The following ANKRD33B variants were observed in gnomAD, a reference collection of about 807,000 sequenced individuals.
ANKRD33B encodes the protein ankyrin repeat domain-containing protein 33B.
Under a neutral mutation model 21.5 loss-of-function variants are expected in ANKRD33B, and 6 were observed. The ratio of observed to expected loss-of-function variants is 0.28; its 90% CI spans 0.15 to 0.55. The LOEUF (loss-of-function observed/expected upper bound fraction) is 0.55, where lower values mean the gene tolerates loss of function less well. ANKRD33B is among the 20% of genes least tolerant of loss of function. The pLI is 0.94. For synonymous variants in ANKRD33B, 347 were observed against 342.4 expected (o/e 1.01, Z -0.15); for missense variants, 698 against 747.2 (o/e 0.93, Z 0.77).
chr5:10,564,881 C>T (rs1159126613), intron 1 of ANKRD33B, 48 bp downstream of exon 1: 1 of 1,453,952 alleles, frequency 6.9e-7, no homozygotes, highest in Non-Finnish European at 9.1e-7. Context: ...TGCCCCCACT[C>T]CCCTCCTCCC....
chr5:10,596,832 G>C (rs1020827002), intron 1 of ANKRD33B, among the ~76,000 whole-genome samples: 1 of 152,156 alleles, frequency 6.6e-6, no homozygotes, highest in Non-Finnish European at 1.5e-5. Flanking sequence ...AATCCCGTCA[G>C]ACTAACAGTG....
Position 10,649,845 on chromosome 5 carries a change from T to A in ANKRD33B, c.1217T>A (p.Leu406His). 22 of 1,414,068 alleles carry A rather than the reference T, an allele frequency of 1.6e-5. No homozygotes were observed. The highest frequency in any genetic ancestry group is 2.0e-5 in the Non-Finnish European group (22 of 1,089,420). 87.6% of individuals were successfully genotyped at this position (1,414,068 alleles called of 1,614,324 possible). Residue 406 changes from leucine (L) to histidine (H), a missense_variant, in exon 4 of 4, where the codon CTC (leucine) becomes CAC (histidine). This residue lies in a region of ANKRD33B where 543 missense variants were observed against 566.5 expected (regional missense o/e 0.96). Coordinates refer to ENST00000296657, the MANE Select transcript of ANKRD33B (RefSeq NM_001164440.2). ...GCGCCCGCCCCGCGGAAGGCCAGCC[T>A]CCTGCCCCTGCAGCGCCTGCGGCGG... ...PAAPAPRKAS[L>H]LPLQRLRRRS...
intron 1 of ANKRD33B, 45 bp downstream of exon 1, chr5:10,564,878 A>ACTCCCCTC: frequency 6.9e-7 from 1 of 1,454,024 alleles, no homozygotes; most frequent in Non-Finnish European, 9.1e-7. Flanking sequence ...CACTGCCCCC[A>ACTCCCCTC]CTCCCCTCCT....
Position 10,619,478 on chromosome 5 carries a change from G to A in ANKRD33B, c.496+1016G>A, listed in dbSNP as rs1736364825. 2 of 739,638 alleles carry A rather than the reference G, an allele frequency of 2.7e-6. No individual in the cohort carries two copies. Among genetic ancestry groups the A allele is most frequent in the South Asian group, 6.1e-5 (1 of 16,316 alleles). 45.8% of individuals were successfully genotyped at this position (739,638 alleles called of 1,614,324 possible). A position where few individuals can be genotyped will look rare whatever the true frequency, so the allele number is the denominator to read the frequency against. On this transcript the variant is annotated intron_variant, in intron 2 of 3. Transcript: ENST00000296657. This position sits in a 1 kb window ranked among gnomAD's most constrained non-coding sequence, Gnocchi z 4.5. ...AGCTCCTGGACCAAAGCCACCCTGG[G>A]TGGATCTGATGGGTGGGGGGCCAGG...
intron 1 of ANKRD33B, among the ~76,000 whole-genome samples, chr5:10,577,423 G>A (rs768009765): frequency 3.3e-5 from 5 of 152,118 alleles, no homozygotes; most frequent in Admixed American, 1.3e-4. Flanking sequence ...GCGCCCGGCC[G>A]CCTTTCTCTT....
intron 2 of ANKRD33B, among the ~76,000 whole-genome samples, chr5:10,630,174 T>C (rs1736672452): frequency 6.6e-6 from 1 of 152,232 alleles, no homozygotes; most frequent in Non-Finnish European, 1.5e-5. Flanking sequence ...GGGATGTTTT[T>C]ATTGCTTATG....
chr5:10,650,295 T>A lies in ANKRD33B; in HGVS notation c.*182T>A, dbSNP rs1737316405. 1.7e-6 allele frequency: 1 copy of A among 589,818 alleles called. No individual in the cohort carries two copies. Among genetic ancestry groups the A allele is most frequent in the African/African-American group, 2.0e-5 (1 of 50,936 alleles). 36.5% of individuals were successfully genotyped at this position (589,818 alleles called of 1,614,324 possible). On this transcript the variant is annotated 3_prime_UTR_variant, in exon 4 of 4. Coordinates refer to ENST00000296657, the MANE Select transcript of ANKRD33B (RefSeq NM_001164440.2). ...CCAAGAGAGGGCTGAGGGAGCCACA[T>A]GGATTCGCTTGTCGCCAGCCCTCCT...
rs1299726314 is a variant in ANKRD33B, at chr5:10,639,969, C to G, written c.637+1801C>G. Among the ~76,000 whole-genome samples, 7 of 42,100 alleles carry G rather than the reference C, an allele frequency of 1.7e-4. 3 individuals carry two copies. Among genetic ancestry groups the G allele is most frequent in the Admixed American group, 8.3e-4 (2 of 2,404 alleles). 27.6% of individuals were successfully genotyped at this position (42,100 alleles called of 152,430 possible). On this transcript the variant is annotated intron_variant, in intron 3 of 3. Coordinates refer to ENST00000296657, the MANE Select transcript of ANKRD33B (RefSeq NM_001164440.2). ...ACGTGGAGTTGCGCGGTGATGTTAG[C>G]GGGTGACGCGGAGTTGCGCGGCGAT... is the stretch of plus-strand genomic sequence containing the variant.
chr5:10,618,971 T>C (rs1736351411), intron 2 of ANKRD33B, among the ~76,000 whole-genome samples: 1 of 152,160 alleles, frequency 6.6e-6, no homozygotes, highest in African/African-American at 2.4e-5. Context: ...GAGCATCTTG[T>C]GAGCGGGTAT....
At chr5:10,581,938 C>T (rs898203003) in intron 1 of ANKRD33B, among the ~76,000 whole-genome samples, 1 of 152,224 alleles carries the variant, frequency 6.6e-6, no homozygotes, top group East Asian at 1.9e-4. Flanking sequence ...GGTTCTGTCT[C>T]TCTGGAGAGC....
intron 3 of ANKRD33B, among the ~76,000 whole-genome samples, chr5:10,646,468 C>G (rs149214387): frequency 3.7e-4 from 57 of 152,244 alleles, no homozygotes; most frequent in Non-Finnish European, 6.8e-4. Flanking sequence ...GCTCAGTGGC[C>G]TTTGTTCCTT....
At chr5:10,600,166 T>G (rs1480754108) in intron 1 of ANKRD33B, among the ~76,000 whole-genome samples, 1 of 152,260 alleles carries the variant, frequency 6.6e-6, no homozygotes, top group Non-Finnish European at 1.5e-5. Flanking sequence ...CAAAGTTGCT[T>G]TTTCTGCTAT....
At chr5:10,631,413 A>G (rs894468088) in intron 2 of ANKRD33B, among the ~76,000 whole-genome samples, 1 of 152,242 alleles carries the variant, frequency 6.6e-6, no homozygotes, top group South Asian at 2.1e-4. Context: ...AGCCTCCTTC[A>G]GCAAGAGGAG....
At chr5:10,620,589 T>C (rs1295496248) in intron 2 of ANKRD33B, among the ~76,000 whole-genome samples, 2 of 152,202 alleles carry the variant, frequency 1.3e-5, no homozygotes, top group African/African-American at 4.8e-5. Context: ...TTAGAGATAA[T>C]AGCTGTGCTT....
At chr5:10,597,363 G>C (rs186699447) in intron 1 of ANKRD33B, among the ~76,000 whole-genome samples, 1 of 152,082 alleles carries the variant, frequency 6.6e-6, no homozygotes, top group African/African-American at 2.4e-5. Context: ...CAAGCAAGGG[G>C]AAAACAGGAA....
chr5:10,637,752 G>A (rs1463435397), intron 2 of ANKRD33B, among the ~76,000 whole-genome samples: 1 of 152,012 alleles, frequency 6.6e-6, no homozygotes, highest in East Asian at 1.9e-4. Context: ...TCCACCCCCA[G>A]TAGTGTAATG....
At chr5:10,647,300 G>C (rs1258903460) in intron 3 of ANKRD33B, among the ~76,000 whole-genome samples, 6 of 152,008 alleles carry the variant, frequency 3.9e-5, no homozygotes, top group Non-Finnish European at 7.4e-5. Flanking sequence ...TAGAGGTGGG[G>C]TTTCACCATG....
chr5:10,573,907 C>G (rs1735259188), intron 1 of ANKRD33B, among the ~76,000 whole-genome samples: 1 of 152,168 alleles, frequency 6.6e-6, no homozygotes, highest in Non-Finnish European at 1.5e-5. Flanking sequence ...ACATCAAGGA[C>G]TCCTGACACC....
chr5:10,604,413 G>A (rs1735999297), intron 1 of ANKRD33B, among the ~76,000 whole-genome samples: 1 of 145,610 alleles, frequency 6.9e-6, no homozygotes, highest in Non-Finnish European at 1.5e-5. Flanking sequence ...GGCTGGTCTC[G>A]ATCCCCTGAC....
Sources: gnomAD v4.1 joint callset for allele counts (sites outside exome capture counted in the v4.1 genomes callset) on GRCh38, gnomAD v4.1.1 for gene constraint, gnomAD v4.1.1 regional missense constraint, Gnocchi (gnomAD v3.1) non-coding constraint, MANE v1.5 for transcripts, NCBI Gene and HGNC (gene_info 2026-07-23, HGNC 2026-07-21) for gene names.